Variants in ADGRL3 observed in about 807,000 individuals in gnomAD.
ADGRL3 encodes the protein adhesion G protein-coupled receptor L3, also known as calcium-independent alpha-latrotoxin receptor 3.
In ADGRL3, 62 loss-of-function variants were observed where a neutral mutation model predicts 153.5. The ratio of observed to expected loss-of-function variants is 0.40; its 90% CI spans 0.33 to 0.50. The LOEUF (loss-of-function observed/expected upper bound fraction) is 0.50. Ranked by LOEUF, ADGRL3 falls within the 20% of genes least tolerant of loss-of-function variation. The probability of loss-of-function intolerance (pLI) is 0.47; values close to 1 mark genes in which losing one functional copy is unlikely to be tolerated. For synonymous variants in ADGRL3, 710 were observed against 672.5 expected (o/e 1.06, Z -0.86); for missense variants, 1,641 against 1,859.4 (o/e 0.88, Z 2.16).
At chr4:61,251,888 AT>A (rs879281483) in intron 1 of ADGRL3, among the ~76,000 whole-genome samples, 37 of 93,560 alleles carry the variant, frequency 4.0e-4, no homozygotes, top group Admixed American at 6.6e-4. Context: ...TAATTTTTTT[AT>A]TTTTTTTTTT....
intron 1 of ADGRL3, among the ~76,000 whole-genome samples, chr4:61,320,909 A>G: frequency 6.6e-6 from 1 of 152,160 alleles, no homozygotes; most frequent in Non-Finnish European, 1.5e-5. Flanking sequence ...AGATCCTAGG[A>G]GAAATATCCC....
chr4:61,248,349 C>G (rs1757893434), intron 1 of ADGRL3, among the ~76,000 whole-genome samples: 1 of 152,016 alleles, frequency 6.6e-6, no homozygotes, highest in Non-Finnish European at 1.5e-5. Flanking sequence ...ACATTTCTTT[C>G]CAAGTATTGA....
rs116897699 is a variant in ADGRL3 at position 61,836,844 on chromosome 4, C to A, written c.1480+22955C>A. On this transcript the variant is annotated intron_variant, in intron 9 of 26. Coordinates refer to ENST00000683033, the MANE Select transcript of ADGRL3 (RefSeq NM_001387552.1). ...CATGTAATTTAAAATATGACTTCTACCTCACTGTAAGTGTAGTAGTAATAC... is the reference window on the plus strand; with the variant it reads ...CATGTAATTTAAAATATGACTTCTAACTCACTGTAAGTGTAGTAGTAATAC... 1.2e-4 allele frequency among the ~76,000 whole-genome samples: 19 copies of A among 152,094 alleles called. No homozygotes were observed. In the East Asian group the frequency reaches 3.7e-3, roughly 29 times the overall value.
intron 9 of ADGRL3, among the ~76,000 whole-genome samples, chr4:61,829,526 G>A (rs544167248): frequency 7.8e-4 from 119 of 152,050 alleles, no homozygotes; most frequent in African/African-American, 2.6e-3. Context: ...CTTTAGTTTC[G>A]TTTACCAATG....
At chr4:61,322,026 A>G (rs2095366629) in intron 1 of ADGRL3, among the ~76,000 whole-genome samples, 1 of 152,208 alleles carries the variant, frequency 6.6e-6, no homozygotes, top group Admixed American at 6.5e-5. Context: ...CAATTTACAA[A>G]AGAAAAAGGT....
chr4:62,053,257 G>C (rs535312999), intron 25 of ADGRL3, among the ~76,000 whole-genome samples: 2 of 151,504 alleles, frequency 1.3e-5, no homozygotes, highest in East Asian at 3.9e-4. Flanking sequence ...AGAGAAAAAG[G>C]CCTCATTGGA....
intron 2 of ADGRL3, among the ~76,000 whole-genome samples, chr4:61,456,188 G>A (rs2097734032): frequency 6.6e-6 from 1 of 151,262 alleles, no homozygotes; most frequent in African/African-American, 2.4e-5. Flanking sequence ...AAAATGAGAT[G>A]TAAAGCATCT....
chr4:61,370,919 T>C (rs2096511293), intron 1 of ADGRL3, among the ~76,000 whole-genome samples: 1 of 150,452 alleles, frequency 6.6e-6, no homozygotes, highest in Admixed American at 6.6e-5. Context: ...TGCTCCTGTA[T>C]TGGGTGCATA....
At chr4:62,063,704 ATTTTT>A in intron 25 of ADGRL3, 1 of 547,878 alleles carries the variant, frequency 1.8e-6, no homozygotes, top group Non-Finnish European at 3.3e-6. Flanking sequence ...GGCAAATTCT[ATTTTT>A]CTTTCTCCTG....
At chr4:61,403,066 A>ACAGGGAGCGGGAACTCT (rs1229775537) in intron 2 of ADGRL3, among the ~76,000 whole-genome samples, 1 of 91,676 alleles carries the variant, frequency 1.1e-5, no homozygotes, top group African/African-American at 3.5e-5. Context: ...TTGTGTGCAC[A>ACAGGGAGCGGGAACTCT]CAGGGAGCGG....
At chr4:61,281,111 T>G (rs1423751695) in intron 1 of ADGRL3, among the ~76,000 whole-genome samples, 2 of 152,110 alleles carry the variant, frequency 1.3e-5, no homozygotes, top group African/African-American at 4.8e-5. Context: ...TATATATGCC[T>G]AACTTTTAAA....
chr4:61,926,585 T>G (rs2098795307), intron 13 of ADGRL3, among the ~76,000 whole-genome samples: 1 of 152,182 alleles, frequency 6.6e-6, no homozygotes, highest in South Asian at 2.1e-4. Context: ...TTACTTAACT[T>G]CCCTGAGTCT....
chr4:61,566,122 C>T (rs2098815247), intron 4 of ADGRL3, among the ~76,000 whole-genome samples: 1 of 152,066 alleles, frequency 6.6e-6, no homozygotes, highest in Non-Finnish European at 1.5e-5. Context: ...AACTGGGTGC[C>T]TTAAAAATAG....
At chr4:61,911,109 G>A (rs1428083131) in intron 12 of ADGRL3, among the ~76,000 whole-genome samples, 1 of 152,072 alleles carries the variant, frequency 6.6e-6, no homozygotes, top group Non-Finnish European at 1.5e-5. Context: ...TTGTTGCCCA[G>A]ACTGGCTGGA....
chr4:61,892,927 A>T lies in ADGRL3; in HGVS notation c.1752A>T (p.Ile584=), dbSNP rs371821063. ...GGTTTAAGACTCGTCAAGGACAGAT[A>T]GCAAAGCAGCCATGCCCTGCAGGAA... is the stretch of plus-strand genomic sequence containing the variant. The part of the protein sequence containing the change: ...IMWFKTRQGQ[I]AKQPCPAGTI... Residue 584 remains isoleucine, a synonymous_variant, in exon 10 of 27, where the codon ATA becomes ATT. Transcript: ENST00000683033. 26 of 1,542,958 alleles carry T rather than the reference A, an allele frequency of 1.7e-5. No individual in the cohort carries two copies. The highest frequency in any genetic ancestry group is 2.2e-5 in the Non-Finnish European group (25 of 1,149,752).
At chr4:61,828,972 C>T (rs1204715265) in intron 9 of ADGRL3, among the ~76,000 whole-genome samples, 1 of 152,174 alleles carries the variant, frequency 6.6e-6, no homozygotes, top group Non-Finnish European at 1.5e-5. Context: ...CGTGGTCATG[C>T]TCTTAACTGA....
chr4:61,867,515 C>CATATATATATATAT (rs3065826), intron 9 of ADGRL3, among the ~76,000 whole-genome samples: 1,526 of 80,990 alleles, frequency 0.019, 98 homozygotes, highest in East Asian at 0.049. Flanking sequence ...AATATATATG[C>CATATATATATATAT]ATATATATAT....
chr4:61,507,336 T>C (rs891198239), intron 3 of ADGRL3, among the ~76,000 whole-genome samples: 6 of 152,210 alleles, frequency 3.9e-5, no homozygotes, highest in African/African-American at 1.2e-4. Flanking sequence ...ATAGCTGTGA[T>C]AGCACAGATG....
At chr4:62,068,653 C>T (rs528742958) in intron 26 of ADGRL3, among the ~76,000 whole-genome samples, 2 of 152,238 alleles carry the variant, frequency 1.3e-5, no homozygotes, top group East Asian at 1.9e-4. Context: ...GCAGCTTCTG[C>T]AAAAGCTATC....
Sources: allele counts gnomAD v4.1 joint callset (sites outside exome capture counted in the v4.1 genomes callset), GRCh38; gene constraint gnomAD v4.1.1; transcripts MANE v1.5; gene names NCBI Gene and HGNC (gene_info 2026-07-23, HGNC 2026-07-21).